The following HSP90AA1 variants were observed in gnomAD, a reference collection of about 807,000 sequenced individuals.
HSP90AA1 encodes the protein heat shock protein 90 alpha family class A member 1.
HSP90AA1 carries 18 observed loss-of-function variants against 73.3 expected under a neutral mutation model. That is an observed-to-expected ratio of 0.25 (90% confidence interval 0.17 to 0.36). The LOEUF is 0.36. HSP90AA1 is among the 10% of genes least tolerant of loss of function. The probability of loss-of-function intolerance (pLI) is 1.00; values close to 1 mark genes in which losing one functional copy is unlikely to be tolerated. For missense variants in HSP90AA1, 704 were observed against 874.2 expected, an observed-to-expected ratio of 0.81 and a Z score of 2.45; for synonymous variants, 477 against 296.9, an observed-to-expected ratio of 1.61 and a Z score of -6.24.
At chr14:102,102,313 G>C (rs1205588830) in intron 1 of HSP90AA1, among the ~76,000 whole-genome samples, 3 of 152,206 alleles carry the variant, frequency 2.0e-5, no homozygotes, top group Non-Finnish European at 4.4e-5. Context: ...TGTGGATGCT[G>C]TATGGCCTGA....
chr14:102,118,413 ATTT>A (rs200858775), intron 1 of HSP90AA1, among the ~76,000 whole-genome samples: 2 of 146,462 alleles, frequency 1.4e-5, no homozygotes, highest in African/African-American at 2.5e-5. Flanking sequence ...TCTATTACTT[ATTT>A]TTTTTTTTAA....
At chr14:102,087,194 C>G, upstream of HSP90AA1, 1 of 981,822 alleles carries the variant, frequency 1.0e-6, no homozygotes, top group Non-Finnish European at 1.2e-6. Flanking sequence ...CGCGGCACCC[C>G]GCCCCCGCGC....
intron 2 of HSP90AA1, among the ~76,000 whole-genome samples, chr14:102,093,834 C>A (rs1253459007): frequency 6.6e-6 from 1 of 152,106 alleles, no homozygotes; most frequent in African/African-American, 2.4e-5. Flanking sequence ...ATTAGCCAGG[C>A]ATGGTGGCAT....
chr14:102,113,214 C>T lies in HSP90AA1; in HGVS notation c.156-11129G>A, dbSNP rs746493271. ...AATTCTTGTATTTTTAGTAGAGACACGGTTTCACCATGTTGGCCAGGCTGG... is the reference window on the plus strand; with the variant it reads ...AATTCTTGTATTTTTAGTAGAGACATGGTTTCACCATGTTGGCCAGGCTGG... On this transcript the variant is annotated intron_variant, in intron 1 of 11. Transcript: ENST00000334701. Among the ~76,000 whole-genome samples, 110 of 151,770 alleles carry T rather than the reference C, an allele frequency of 7.2e-4. 1 individual carries two copies. Among genetic ancestry groups the T allele is most frequent in the Middle Eastern group, 3.4e-3 (1 of 294 alleles).
chr14:102,098,131 C>T (rs1444620542), intron 2 of HSP90AA1, among the ~76,000 whole-genome samples: 2 of 151,960 alleles, frequency 1.3e-5, no homozygotes, highest in Admixed American at 6.6e-5. Context: ...CAAGTCTCTT[C>T]TCTTTAAGCC....
chr14:102,091,312 A>T (rs2049354991), upstream of HSP90AA1, among the ~76,000 whole-genome samples: 1 of 151,972 alleles, frequency 6.6e-6, no homozygotes, highest in Non-Finnish European at 1.5e-5. Flanking sequence ...CTGGCTCATG[A>T]TTTTTGTTTT....
At chr14:102,112,126 T>C (rs1024524790) in intron 1 of HSP90AA1, among the ~76,000 whole-genome samples, 4 of 152,186 alleles carry the variant, frequency 2.6e-5, no homozygotes, top group Non-Finnish European at 4.4e-5. Context: ...CCTCCTACAG[T>C]GTTTGGAGTT....
At chr14:102,132,292 G>A (rs1015057916) in intron 1 of HSP90AA1, among the ~76,000 whole-genome samples, 16 of 152,104 alleles carry the variant, frequency 1.1e-4, no homozygotes, top group Admixed American at 4.6e-4. Flanking sequence ...GCTTGAACCC[G>A]GGTGGTGGAG....
chr14:102,107,307 TG>T (rs1213236023), intron 1 of HSP90AA1, among the ~76,000 whole-genome samples: 1 of 151,814 alleles, frequency 6.6e-6, no homozygotes, highest in Middle Eastern at 3.2e-3. Context: ...GCTTCTTTCT[TG>T]GTTTAGCCCG....
chr14:102,133,684 T>C (rs2049938460), intron 1 of HSP90AA1, among the ~76,000 whole-genome samples: 1 of 151,950 alleles, frequency 6.6e-6, no homozygotes, highest in Non-Finnish European at 1.5e-5. Flanking sequence ...GGTTTCTCCA[T>C]GTCAGTCAGG....
chr14:102,084,641 T>C (rs1221912091), intron 5 of HSP90AA1, 40 bp downstream of exon 5: 1 of 1,614,158 alleles, frequency 6.2e-7, no homozygotes, highest in African/African-American at 1.3e-5. Context: ...AGAAAGATGA[T>C]AATCTAAGGA....
chr14:102,131,013 C>G (rs947826248), intron 1 of HSP90AA1, among the ~76,000 whole-genome samples: 1 of 152,230 alleles, frequency 6.6e-6, no homozygotes, highest in African/African-American at 2.4e-5. Context: ...GCCACCATGC[C>G]CAGCCTATCC....
chr14:102,110,939 A>G (rs2049634211), intron 1 of HSP90AA1, among the ~76,000 whole-genome samples: 1 of 151,372 alleles, frequency 6.6e-6, no homozygotes, highest in African/African-American at 2.4e-5. Context: ...GCTGGTCTCA[A>G]ACTCCTTACC....
chr14:102,114,458 G>A (rs1199412526), intron 1 of HSP90AA1, among the ~76,000 whole-genome samples: 1 of 152,162 alleles, frequency 6.6e-6, no homozygotes, highest in East Asian at 1.9e-4. Context: ...ATTCACTGCA[G>A]GGTATTCTAC....
rs757300529 is a variant in HSP90AA1 at position 102,105,223 on chromosome 14, A to C, written c.156-3138T>G. Among the ~76,000 whole-genome samples the C allele has an allele frequency of 5.8e-3, 861 of 149,426 alleles. 55 individuals carry two copies. The highest frequency in any genetic ancestry group is 8.7e-3 in the Non-Finnish European group (586 of 67,482). ...GTCTGTCTCAAAAAAAAAAAACAAA[A>C]AAAAAACCAAACTTCATTCAACAAA... On this transcript the variant is annotated intron_variant, in intron 1 of 11. Coordinates refer to the HSP90AA1 transcript ENST00000334701.
intron 1 of HSP90AA1, among the ~76,000 whole-genome samples, chr14:102,112,319 C>G (rs2049652026): frequency 6.6e-6 from 1 of 152,066 alleles, no homozygotes; most frequent in African/African-American, 2.4e-5. Flanking sequence ...ATTACAGGTG[C>G]CCGCCACCAC....
At chr14:102,082,604 A>G (rs1435195544) in intron 9 of HSP90AA1, 160 bp from the exon 10 acceptor site, 7 of 655,030 alleles carry the variant, frequency 1.1e-5, no homozygotes, top group South Asian at 1.8e-5. Context: ...AGCACAGGTT[A>G]TAATTTCATG....
At chr14:102,122,448 T>G (rs1214330865) in intron 1 of HSP90AA1, among the ~76,000 whole-genome samples, 1 of 151,414 alleles carries the variant, frequency 6.6e-6, no homozygotes, top group African/African-American at 2.4e-5. Context: ...ACCCGGCTAA[T>G]TTTGTTGTGT....
chr14:102,132,708 C>T (rs540524298), intron 1 of HSP90AA1, among the ~76,000 whole-genome samples: 3 of 152,318 alleles, frequency 2.0e-5, no homozygotes, highest in Admixed American at 1.3e-4. Context: ...CCTGTAATCT[C>T]AGCACTCTGG....
Sources: allele counts gnomAD v4.1 joint callset (sites outside exome capture counted in the v4.1 genomes callset), GRCh38; gene constraint gnomAD v4.1.1; transcripts MANE v1.5; gene names NCBI Gene and HGNC (gene_info 2026-07-23, HGNC 2026-07-21).